RABGAP1L: variants seen among roughly 807,000 people sequenced by gnomAD.
RABGAP1L encodes the protein RAB GTPase activating protein 1 like.
Under a neutral mutation model 137.7 loss-of-function variants are expected in RABGAP1L, and 63 were observed. The observed-to-expected ratio is 0.46, with a 90% confidence interval of 0.37 to 0.56. The LOEUF is 0.56. Among genes scored for constraint, RABGAP1L ranks in the 20% least tolerant of loss-of-function variants. The pLI is 0.00. For missense variants in RABGAP1L, 1,095 were observed against 1,244.0 expected, an observed-to-expected ratio of 0.88 and a Z score of 1.80; for synonymous variants, 431 against 433.7, an observed-to-expected ratio of 0.99 and a Z score of 0.08.
chr1:174,603,597 C>G (rs1670573414), intron 13 of RABGAP1L, among the ~76,000 whole-genome samples: 1 of 152,160 alleles, frequency 6.6e-6, no homozygotes, highest in South Asian at 2.1e-4. Flanking sequence ...GTCTTTCCCA[C>G]TCTTTTCTCT....
At position 174,877,610 on chromosome 1, in the gene RABGAP1L, G is replaced by A. The variant is rs369884169; in HGVS notation, c.2340+65650G>A. 3.1e-6 allele frequency: 5 copies of A among 1,611,710 alleles called. No individual in the cohort carries two copies. The African/African-American group carries it at 6.7e-5, about 22-fold the overall frequency. On this transcript the variant is annotated intron_variant, in intron 19 of 25. Transcript: ENST00000681986. ...ATCAGCAAGCCCAGGTCTATGGTAG[G>A]TGGTGCCTTGCACACTACTCTGGTT... is the stretch of plus-strand genomic sequence containing the variant.
intron 13 of RABGAP1L, among the ~76,000 whole-genome samples, chr1:174,517,493 G>A (rs1243795381): frequency 6.6e-6 from 1 of 152,080 alleles, no homozygotes; most frequent in Non-Finnish European, 1.5e-5. Flanking sequence ...GTTCTAGGGG[G>A]GCTATTGATA....
chr1:174,221,108 C>A lies in RABGAP1L; in HGVS notation c.275C>A (p.Pro92Gln). The A allele has an allele frequency of 6.2e-7, 1 of 1,613,334 alleles. No homozygotes were observed. The highest frequency in any genetic ancestry group is 1.1e-5 in the South Asian group (1 of 90,980). Residue 92 changes from proline (P) to glutamine (Q), a missense_variant, in exon 3 of 26, where the codon CCA (proline) becomes CAA (glutamine). Pro to Gln is a moderately conservative substitution (Grantham distance 76). Coordinates refer to ENST00000681986, the MANE Select transcript of RABGAP1L (RefSeq NM_001366446.1). ...EISDHSFGDI[P>Q]ASQTNKPSLQ... ...TCAGACCATTCGTTTGGAGATATTC[C>A]AGCCAGCCAAACAAATAAGCCATCT...
intron 11 of RABGAP1L, among the ~76,000 whole-genome samples, chr1:174,327,299 TATATAATAAGGTATAATA>T (rs1260200077): frequency 2.8e-5 from 4 of 142,592 alleles, no homozygotes; most frequent in African/African-American, 1.1e-4. Context: ...GTAAATTATG[TATATAATAAGGTATAATA>T]ATATAATAAG....
intron 20 of RABGAP1L, among the ~76,000 whole-genome samples, chr1:174,967,373 T>C (rs894101958): frequency 4.1e-5 from 6 of 147,866 alleles, no homozygotes; most frequent in African/African-American, 1.5e-4. Flanking sequence ...TCACTAACTC[T>C]GTCACCTAGG....
intron 19 of RABGAP1L, among the ~76,000 whole-genome samples, chr1:174,842,127 A>G (rs533422092): frequency 6.6e-6 from 1 of 152,336 alleles, no homozygotes; most frequent in East Asian, 1.9e-4. Context: ...TGTTCATATA[A>G]CAAATCTACA....
At chr1:174,431,259 T>C (rs369476449) in intron 13 of RABGAP1L, among the ~76,000 whole-genome samples, 155 of 152,296 alleles carry the variant, frequency 1.0e-3, no homozygotes, top group African/African-American at 3.4e-3. Flanking sequence ...TTTTGAACCC[T>C]TTCTATGAGA....
At chr1:174,517,504 T>C (rs1032229308) in intron 13 of RABGAP1L, among the ~76,000 whole-genome samples, 1 of 152,156 alleles carries the variant, frequency 6.6e-6, no homozygotes, top group African/African-American at 2.4e-5. Context: ...GCTATTGATA[T>C]AATTTCTAGA....
chr1:174,230,398 A>G (rs1221703719), intron 3 of RABGAP1L, among the ~76,000 whole-genome samples: 1 of 151,986 alleles, frequency 6.6e-6, no homozygotes, highest in Non-Finnish European at 1.5e-5. Flanking sequence ...AAAGTATAGT[A>G]AAAAAAAGAA....
chr1:174,539,496 A>G (rs1400679666), intron 13 of RABGAP1L, among the ~76,000 whole-genome samples: 1 of 152,030 alleles, frequency 6.6e-6, no homozygotes, highest in African/African-American at 2.4e-5. Flanking sequence ...CCTGTGCCCA[A>G]GTGTTCTCAT....
At chr1:174,499,961 T>A (rs1336020211) in intron 13 of RABGAP1L, among the ~76,000 whole-genome samples, 2 of 152,214 alleles carry the variant, frequency 1.3e-5, no homozygotes, top group Non-Finnish European at 2.9e-5. Flanking sequence ...CATAAACTTT[T>A]AGAGCTGAAG....
chr1:174,479,582 A>G (rs1357938739), intron 13 of RABGAP1L, among the ~76,000 whole-genome samples: 2 of 152,242 alleles, frequency 1.3e-5, no homozygotes, highest in African/African-American at 4.8e-5. Context: ...GCAAGGATAC[A>G]GTGAAAAGCC....
chr1:174,647,882 G>A (rs1214137426), intron 14 of RABGAP1L, among the ~76,000 whole-genome samples: 1 of 152,096 alleles, frequency 6.6e-6, no homozygotes, highest in Non-Finnish European at 1.5e-5. Flanking sequence ...CTTAGTTTCA[G>A]AACTTGTTAT....
intron 10 of RABGAP1L, among the ~76,000 whole-genome samples, chr1:174,290,489 A>C (rs1676491097): frequency 6.6e-6 from 1 of 151,988 alleles, no homozygotes; most frequent in Non-Finnish European, 1.5e-5. Context: ...AACTTTTCTA[A>C]GTTTTGTGCT....
At chr1:174,482,147 T>A (rs1258350566) in intron 13 of RABGAP1L, among the ~76,000 whole-genome samples, 1 of 152,174 alleles carries the variant, frequency 6.6e-6, no homozygotes, top group Non-Finnish European at 1.5e-5. Context: ...GAGCAAGGAA[T>A]GTGGGAAACC....
chr1:174,204,020 C>T (rs958199209), intron 1 of RABGAP1L, among the ~76,000 whole-genome samples: 20 of 151,256 alleles, frequency 1.3e-4, no homozygotes, highest in African/African-American at 3.9e-4. Context: ...GGCACAATCT[C>T]GGCTCACTGC....
At chr1:174,919,702 A>T (rs972484541) in intron 19 of RABGAP1L, among the ~76,000 whole-genome samples, 5 of 152,258 alleles carry the variant, frequency 3.3e-5, no homozygotes, top group Middle Eastern at 3.4e-3. Context: ...AAAAAAAATT[A>T]AAAAATTATC....
At chr1:174,545,966 T>C (rs959040859) in intron 13 of RABGAP1L, 11 of 152,214 alleles carry the variant, frequency 7.2e-5, no homozygotes, top group African/African-American at 2.7e-4. Flanking sequence ...ATGGCATCTA[T>C]TTTAGCATTA....
intron 4 of RABGAP1L, among the ~76,000 whole-genome samples, chr1:174,238,255 C>A (rs988248506): frequency 3.9e-5 from 6 of 152,190 alleles, no homozygotes; most frequent in African/African-American, 7.2e-5. Flanking sequence ...TCGTCTGAAG[C>A]CTTCTTCTCT....
Sources: gnomAD v4.1 joint callset for allele counts (sites outside exome capture counted in the v4.1 genomes callset) on GRCh38, gnomAD v4.1.1 for gene constraint, MANE v1.5 for transcripts, NCBI Gene and HGNC (gene_info 2026-07-23, HGNC 2026-07-21) for gene names.